THSD7A: variants seen among roughly 807,000 people sequenced by gnomAD.
THSD7A encodes thrombospondin type-1 domain-containing protein 7A.
Under a neutral mutation model 231.3 loss-of-function variants are expected in THSD7A, and 96 were observed. The ratio of observed to expected loss-of-function variants is 0.41; its 90% confidence interval spans 0.35 to 0.49. THSD7A has a LOEUF of 0.49. Among genes scored for constraint, THSD7A ranks in the 20% least tolerant of loss-of-function variants. The probability of loss-of-function intolerance (pLI) is 0.05; values close to 1 mark genes in which losing one functional copy is unlikely to be tolerated. For missense variants in THSD7A, 2,290 were observed against 2,070.2 expected (o/e 1.11, Z -2.06); for synonymous variants, 940 against 743.3 (o/e 1.26, Z -4.30).
chr7:11,385,858 T>A (rs1345759582), intron 23 of THSD7A, among the ~76,000 whole-genome samples: 2 of 152,066 alleles, frequency 1.3e-5, no homozygotes, highest in African/African-American at 4.8e-5. Flanking sequence ...CCTAGTGCTA[T>A]CCCTCCCCCT....
chr7:11,595,439 C>T (rs1049848353), intron 2 of THSD7A, among the ~76,000 whole-genome samples: 11 of 151,912 alleles, frequency 7.2e-5, no homozygotes, highest in Non-Finnish European at 1.3e-4. Context: ...ATTTAATGTT[C>T]CAGCTTGGGG....
intron 14 of THSD7A, 94 bp downstream of exon 14, chr7:11,428,853 C>T (rs1421335145): frequency 7.0e-7 from 1 of 1,420,272 alleles, no homozygotes; most frequent in Non-Finnish European, 9.5e-7. Flanking sequence ...ATTTTTTATT[C>T]AATAGCTATT....
intron 20 of THSD7A, 60 bp downstream of exon 20, chr7:11,407,246 G>T: frequency 6.8e-7 from 1 of 1,475,186 alleles, no homozygotes. Flanking sequence ...AAAGCAAGAG[G>T]GATATTTTAT....
intron 7 of THSD7A, among the ~76,000 whole-genome samples, chr7:11,480,090 C>A (rs1021618285): frequency 2.6e-5 from 4 of 152,088 alleles, no homozygotes; most frequent in African/African-American, 4.8e-5. Flanking sequence ...TGAATTAATG[C>A]CCTTATGATT....
intron 4 of THSD7A, among the ~76,000 whole-genome samples, chr7:11,568,642 A>C (rs1290661023): frequency 6.8e-6 from 1 of 145,994 alleles, no homozygotes; most frequent in African/African-American, 2.5e-5. Context: ...AAAAAAAAAA[A>C]AAAAAAAAAA....
At chr7:11,546,202 G>GCGCGCGCGCACA (rs761841418) in intron 4 of THSD7A, among the ~76,000 whole-genome samples, 112 of 129,452 alleles carry the variant, frequency 8.7e-4, no homozygotes, top group African/African-American at 2.8e-3. Context: ...GTGGGCGCGC[G>GCGCGCGCGCACA]CTCACACACA....
intron 1 of THSD7A, among the ~76,000 whole-genome samples, chr7:11,713,085 T>C (rs2128149497): frequency 6.6e-6 from 1 of 151,208 alleles, no homozygotes; most frequent in Middle Eastern, 3.4e-3. Context: ...TCTCAACTCT[T>C]CCAAACACAG....
intron 7 of THSD7A, among the ~76,000 whole-genome samples, chr7:11,481,060 G>A (rs1786403311): frequency 6.6e-6 from 1 of 152,026 alleles, no homozygotes; most frequent in South Asian, 2.1e-4. Flanking sequence ...AGAAAGACAA[G>A]ATTAAGTATG....
intron 4 of THSD7A, among the ~76,000 whole-genome samples, chr7:11,588,301 A>G (rs1369044858): frequency 6.6e-6 from 1 of 152,118 alleles, no homozygotes; most frequent in Non-Finnish European, 1.5e-5. Context: ...TCCCGGGGAG[A>G]AACTAACATA....
At chr7:11,623,708 G>A (rs1781389157) in intron 2 of THSD7A, among the ~76,000 whole-genome samples, 1 of 152,076 alleles carries the variant, frequency 6.6e-6, no homozygotes, top group South Asian at 2.1e-4. Flanking sequence ...AACATGTAGA[G>A]TTTGGCTAGC....
intron 1 of THSD7A, among the ~76,000 whole-genome samples, chr7:11,675,385 C>T (rs2128136992): frequency 6.6e-6 from 1 of 152,216 alleles, no homozygotes; most frequent in South Asian, 2.1e-4. Context: ...TTTCATACCC[C>T]AGTGGCACCT....
At chr7:11,536,392 C>G (rs1235382563) in intron 6 of THSD7A, among the ~76,000 whole-genome samples, 1 of 152,168 alleles carries the variant, frequency 6.6e-6, no homozygotes, top group African/African-American at 2.4e-5. Flanking sequence ...CTTTCAGATT[C>G]TGCAGCTTCA....
chr7:11,821,510 T>G, intron 1 of THSD7A, among the ~76,000 whole-genome samples: 1 of 151,982 alleles, frequency 6.6e-6, no homozygotes, highest in East Asian at 1.9e-4. Flanking sequence ...AACTTTGAAG[T>G]GTTCACCTCA....
At position 11,535,103 on chromosome 7, in the gene THSD7A, G is replaced by A. The variant is rs561304985; in HGVS notation, c.1822+6316C>T. Among the ~76,000 whole-genome samples the A allele has an allele frequency of 5.3e-5, 8 of 152,266 alleles. 1 individual carries two copies. Among genetic ancestry groups the A allele is most frequent in the African/African-American group, 1.9e-4 (8 of 41,564 alleles). ...GTAGCTAACATTCAGTGGGGAATTT[G>A]TATCACTAAGTGGTAAATAATTATT... is the stretch of plus-strand genomic sequence containing the variant. On this transcript the variant is annotated intron_variant, in intron 6 of 27. Coordinates refer to ENST00000423059, the MANE Select transcript of THSD7A (RefSeq NM_015204.3).
At chr7:11,467,876 A>T (rs991120466) in intron 9 of THSD7A, among the ~76,000 whole-genome samples, 1 of 151,908 alleles carries the variant, frequency 6.6e-6, no homozygotes. Context: ...ACATTCCAAT[A>T]TCCAAAATTA....
At chr7:11,732,988 A>G (rs1781787061) in intron 1 of THSD7A, among the ~76,000 whole-genome samples, 1 of 151,844 alleles carries the variant, frequency 6.6e-6, no homozygotes, top group Non-Finnish European at 1.5e-5. Flanking sequence ...ATAAATATCT[A>G]AGCAGTATTT....
chr7:11,576,430 A>G (rs1263334936), intron 4 of THSD7A, among the ~76,000 whole-genome samples: 1 of 151,876 alleles, frequency 6.6e-6, no homozygotes, highest in Non-Finnish European at 1.5e-5. Flanking sequence ...TTTACAGAAG[A>G]CAATCATTGC....
At chr7:11,623,361 C>T (rs926332393) in intron 2 of THSD7A, among the ~76,000 whole-genome samples, 1 of 151,886 alleles carries the variant, frequency 6.6e-6, no homozygotes, top group African/African-American at 2.4e-5. Context: ...GGGGTGAGTG[C>T]CTCATTAAAT....
chr7:11,793,755 A>C (rs1344751417), intron 1 of THSD7A, among the ~76,000 whole-genome samples: 1 of 151,950 alleles, frequency 6.6e-6, no homozygotes, highest in East Asian at 1.9e-4. Context: ...CAACTACTTA[A>C]AAATTTACCA....
Sources: gnomAD v4.1 joint callset for allele counts (sites outside exome capture counted in the v4.1 genomes callset) on GRCh38, gnomAD v4.1.1 for gene constraint, MANE v1.5 for transcripts, NCBI Gene and HGNC (gene_info 2026-07-23, HGNC 2026-07-21) for gene names.